KCNIP4: variants seen among roughly 807,000 people sequenced by gnomAD.
KCNIP4 encodes potassium voltage-gated channel interacting protein 4, also known as Kv channel-interacting protein 4.
Under a neutral mutation model 34.0 loss-of-function variants are expected in KCNIP4, and 12 were observed. The ratio of observed to expected loss-of-function variants is 0.35; its 90% confidence interval spans 0.23 to 0.57. The LOEUF (loss-of-function observed/expected upper bound fraction) is 0.57. Among genes scored for constraint, KCNIP4 ranks in the 20% least tolerant of loss-of-function variants. The probability of loss-of-function intolerance (pLI) is 0.83; values close to 1 mark genes in which losing one functional copy is unlikely to be tolerated. For synonymous variants in KCNIP4, 124 were observed against 102.2 expected (o/e 1.21, Z -1.29); for missense variants, 238 against 311.7 (o/e 0.76, Z 1.78).
intron 3 of KCNIP4, among the ~76,000 whole-genome samples, chr4:20,835,022 T>C (rs1718869169): frequency 6.6e-6 from 1 of 152,160 alleles, no homozygotes; most frequent in Admixed American, 6.5e-5. Context: ...TTCCCTAGAT[T>C]CTTTTAGGAA....
intron 3 of KCNIP4, among the ~76,000 whole-genome samples, chr4:20,812,279 A>C (rs895533092): frequency 2.0e-5 from 3 of 152,128 alleles, no homozygotes; most frequent in Non-Finnish European, 4.4e-5. Flanking sequence ...TAGAGAAGTG[A>C]ATGTTGGTGG....
chr4:21,388,150 C>T (rs1400764288), intron 1 of KCNIP4, among the ~76,000 whole-genome samples: 3 of 67,900 alleles, frequency 4.4e-5, no homozygotes, highest in African/African-American at 1.4e-4. Context: ...ATGAGGGAAG[C>T]TAGTGAATTA....
At chr4:21,031,909 T>C (rs1290142041) in intron 1 of KCNIP4, among the ~76,000 whole-genome samples, 2 of 152,222 alleles carry the variant, frequency 1.3e-5, no homozygotes, top group Non-Finnish European at 2.9e-5. Flanking sequence ...CTGTAAGGTA[T>C]CTGTTGTAAT....
chr4:21,676,697 C>T (rs981966422), intron 1 of KCNIP4, among the ~76,000 whole-genome samples: 1 of 151,964 alleles, frequency 6.6e-6, no homozygotes, highest in African/African-American at 2.4e-5. Flanking sequence ...TCCTGTTATT[C>T]CTATATTGGA....
At chr4:21,102,075 G>A (rs986914549) in intron 1 of KCNIP4, among the ~76,000 whole-genome samples, 14 of 152,116 alleles carry the variant, frequency 9.2e-5, no homozygotes, top group African/African-American at 2.9e-4. Context: ...AGACCCTCTT[G>A]GATAGGAATT....
chr4:21,670,365 G>C (rs1749374871), intron 1 of KCNIP4, among the ~76,000 whole-genome samples: 1 of 136,164 alleles, frequency 7.3e-6, no homozygotes, highest in Non-Finnish European at 1.5e-5. Flanking sequence ...GGTGGGAATT[G>C]AACAATGAGA....
chr4:21,709,073 T>C (rs1358969376), intron 1 of KCNIP4, among the ~76,000 whole-genome samples: 1 of 152,188 alleles, frequency 6.6e-6, no homozygotes, highest in Non-Finnish European at 1.5e-5. Context: ...TTTGTGTATA[T>C]TTTTTAAGGG....
At chr4:21,044,969 A>G (rs1742308440) in intron 1 of KCNIP4, among the ~76,000 whole-genome samples, 1 of 152,236 alleles carries the variant, frequency 6.6e-6, no homozygotes, top group Non-Finnish European at 1.5e-5. Context: ...TAGTAAGGAT[A>G]AATGAGATCT....
intron 1 of KCNIP4, among the ~76,000 whole-genome samples, chr4:21,545,211 G>T (rs1358276433): frequency 6.6e-6 from 1 of 151,832 alleles, no homozygotes; most frequent in African/African-American, 2.4e-5. Flanking sequence ...TACCCTACAT[G>T]GTCTAAAAAG....
At chr4:21,775,318 G>T (rs955906615) in intron 1 of KCNIP4, among the ~76,000 whole-genome samples, 1 of 152,130 alleles carries the variant, frequency 6.6e-6, no homozygotes, top group Non-Finnish European at 1.5e-5. Flanking sequence ...CTGGAAAAGA[G>T]CAAAGATGGG....
intron 3 of KCNIP4, among the ~76,000 whole-genome samples, chr4:20,798,870 A>T (rs1713846988): frequency 1.3e-5 from 2 of 152,168 alleles, no homozygotes; most frequent in Admixed American, 1.3e-4. Flanking sequence ...CCCTAGAGTC[A>T]CATGCTGAGC....
In KCNIP4 at chr4:21,604,027, T is replaced by A. The variant is rs1278552602; in HGVS notation, c.61+344544A>T. Among the ~76,000 whole-genome samples, 5 of 152,284 alleles carry A rather than the reference T, an allele frequency of 3.3e-5. No homozygotes were observed. The East Asian group carries it at 9.6e-4, about 29-fold the overall frequency. ...GTTCGGTAATGGGAAATCTAAGATT[T>A]TTTTCATTCGTCGATTATAAATTTT... On this transcript the variant is annotated intron_variant, in intron 1 of 8. Coordinates refer to ENST00000382152, the MANE Select transcript of KCNIP4 (RefSeq NM_025221.6).
At chr4:21,275,068 G>C (rs1381139855) in intron 1 of KCNIP4, among the ~76,000 whole-genome samples, 6 of 152,108 alleles carry the variant, frequency 3.9e-5, no homozygotes, top group Non-Finnish European at 1.5e-5. Flanking sequence ...GATCCTGTTG[G>C]TCAGAATTGG....
chr4:21,360,654 C>A (rs1719124127), intron 1 of KCNIP4, among the ~76,000 whole-genome samples: 1 of 151,970 alleles, frequency 6.6e-6, no homozygotes, highest in South Asian at 2.1e-4. Flanking sequence ...CTTCAAACAG[C>A]CTCTAATGGA....
chr4:21,223,103 T>TGAGGAAATCTTC (rs1288832860), intron 1 of KCNIP4, among the ~76,000 whole-genome samples: 5 of 152,162 alleles, frequency 3.3e-5, no homozygotes, highest in African/African-American at 9.7e-5. Flanking sequence ...TATCTCAAGA[T>TGAGGAAATCTTC]GAGGAAATCT....
chr4:20,984,093 A>T, intron 1 of KCNIP4: 1 of 1,035,902 alleles, frequency 9.7e-7, no homozygotes, highest in Non-Finnish European at 1.4e-6. Context: ...GGGTGAGGAC[A>T]GACCTGGGCT....
chr4:21,765,447 C>T (rs968579444), intron 1 of KCNIP4, among the ~76,000 whole-genome samples: 1 of 151,836 alleles, frequency 6.6e-6, no homozygotes, highest in African/African-American at 2.4e-5. Context: ...TTAACAAAAA[C>T]TGTTTTATCC....
chr4:21,633,900 T>C (rs898150139), intron 1 of KCNIP4, among the ~76,000 whole-genome samples: 7 of 152,048 alleles, frequency 4.6e-5, no homozygotes, highest in African/African-American at 1.7e-4. Flanking sequence ...TTTTTGCAAA[T>C]ACCTTTAATA....
intron 8 of KCNIP4, among the ~76,000 whole-genome samples, chr4:20,731,093 T>C (rs73110220): frequency 0.017 from 2,554 of 152,326 alleles, 64 homozygotes; most frequent in African/African-American, 0.059. Flanking sequence ...TTTCTTTTTT[T>C]AGTTTTGAGG....
Sources: gnomAD v4.1 joint callset for allele counts (sites outside exome capture counted in the v4.1 genomes callset) on GRCh38, gnomAD v4.1.1 for gene constraint, MANE v1.5 for transcripts, NCBI Gene and HGNC (gene_info 2026-07-23, HGNC 2026-07-21) for gene names.